The following RUNDC3B variants were observed in gnomAD, a reference collection of about 807,000 sequenced individuals.
RUNDC3B encodes the protein RUN domain containing 3B, also known as RUN domain-containing protein 3B.
In RUNDC3B, 33 loss-of-function variants were observed where a neutral mutation model predicts 58.4. The ratio of observed to expected loss-of-function variants is 0.56; its 90% CI spans 0.43 to 0.75. RUNDC3B has a LOEUF of 0.75. Among genes scored for constraint, RUNDC3B ranks in the 30% least tolerant of loss-of-function variants. The pLI is 0.00. For synonymous variants in RUNDC3B, 193 were observed against 195.2 expected, an observed-to-expected ratio of 0.99 and a Z score of 0.10; for missense variants, 501 against 535.7, an observed-to-expected ratio of 0.94 and a Z score of 0.64.
At chr7:87,710,446 C>T (rs931316152) in intron 3 of RUNDC3B, 124 bp from the exon 4 acceptor site, 3 of 613,964 alleles carry the variant, frequency 4.9e-6, no homozygotes, top group Non-Finnish European at 8.5e-6. Flanking sequence ...AAACATTTTT[C>T]TTAGTCGTTA....
intron 6 of RUNDC3B, among the ~76,000 whole-genome samples, chr7:87,752,747 C>G (rs1204151042): frequency 1.3e-5 from 2 of 152,036 alleles, no homozygotes; most frequent in Admixed American, 6.6e-5. Flanking sequence ...TTTATTGCGT[C>G]TATTTGATTC....
chr7:87,753,084 C>G (rs1478727369), intron 6 of RUNDC3B, among the ~76,000 whole-genome samples: 1 of 152,160 alleles, frequency 6.6e-6, no homozygotes, highest in Non-Finnish European at 1.5e-5. Context: ...TGTCTGTTCT[C>G]ATTGGTTTGA....
At position 87,703,914 on chromosome 7, in the gene RUNDC3B, G is replaced by GTTTTTTTTTTTTTTTTTTTT. The variant is rs35797972; in HGVS notation, c.372+3367_372+3386dup. 1.3e-3 allele frequency among the ~76,000 whole-genome samples: 57 copies of GTTTTTTTTTTTTTTTTTTTT among 42,974 alleles called. 1 individual carries two copies. The highest frequency in any genetic ancestry group is 2.5e-3 in the East Asian group (3 of 1,206). The allele number at this position is 42,974 out of a possible 152,430, so 28.2% of individuals were successfully genotyped here. Reference sequence around the variant, plus strand: ...TTTTTTTTTTTTTTTTTTTTTTTTGGTTTTTTTTTTTTTTTTTTTTTTTTT... The same window carrying GTTTTTTTTTTTTTTTTTTTT: ...TTTTTTTTTTTTTTTTTTTTTTTTGGTTTTTTTTTTTTTTTTTTTTTTTTTTTTTTTTTTTTTTTTTTTTT... On this transcript the variant is annotated intron_variant, in intron 3 of 10. Coordinates refer to ENST00000394654, the MANE Select transcript of RUNDC3B (RefSeq NM_001134405.2).
intron 10 of RUNDC3B, among the ~76,000 whole-genome samples, 176 bp downstream of exon 10, chr7:87,816,438 G>T (rs10235854): frequency 0.048 from 7,345 of 151,996 alleles, 263 homozygotes; most frequent in East Asian, 0.092. Flanking sequence ...GTGTGGGGGG[G>T]GCTAACCTTC....
At chr7:87,662,514 T>G (rs1490100613) in intron 2 of RUNDC3B, among the ~76,000 whole-genome samples, 1 of 152,138 alleles carries the variant, frequency 6.6e-6, no homozygotes, top group East Asian at 1.9e-4. Context: ...GAGACTGTCC[T>G]TTCCCCAATA....
At chr7:87,784,139 T>A (rs144562771) in intron 8 of RUNDC3B, among the ~76,000 whole-genome samples, 20 of 152,328 alleles carry the variant, frequency 1.3e-4, no homozygotes, top group African/African-American at 4.6e-4. Flanking sequence ...TTAGATCATT[T>A]CACTGGCTTC....
intron 9 of RUNDC3B, among the ~76,000 whole-genome samples, chr7:87,813,381 T>G (rs1836830333): frequency 6.6e-6 from 1 of 152,224 alleles, no homozygotes; most frequent in African/African-American, 2.4e-5. Context: ...TGTTGGAGAT[T>G]ATTGTAAATG....
At chr7:87,815,857 C>T (rs566531673) in intron 9 of RUNDC3B, among the ~76,000 whole-genome samples, 31 of 152,050 alleles carry the variant, frequency 2.0e-4, no homozygotes, top group African/African-American at 7.5e-4. Context: ...CCAGAAGTTC[C>T]CATTTCTTAA....
At chr7:87,774,276 T>G (rs995452694) in intron 7 of RUNDC3B, among the ~76,000 whole-genome samples, 2 of 152,080 alleles carry the variant, frequency 1.3e-5, no homozygotes, top group Non-Finnish European at 2.9e-5. Context: ...GTATAGTACT[T>G]GTAGAAATAC....
intron 2 of RUNDC3B, among the ~76,000 whole-genome samples, chr7:87,671,956 T>A (rs1164846183): frequency 6.6e-6 from 1 of 151,652 alleles, no homozygotes; most frequent in African/African-American, 2.4e-5. Flanking sequence ...TCCTGCCCAG[T>A]GAGGAGAAGT....
chr7:87,822,505 A>C (rs1584291426), intron 10 of RUNDC3B, among the ~76,000 whole-genome samples: 1 of 152,234 alleles, frequency 6.6e-6, no homozygotes, highest in East Asian at 1.9e-4. Context: ...CTAGAACTAG[A>C]AATACCATTT....
rs76859635 is a variant in RUNDC3B, at chr7:87,707,912, G to T, written c.373-2658G>T. 0.014 allele frequency among the ~76,000 whole-genome samples: 2,087 copies of T among 152,006 alleles called. 203 individuals carry two copies. The East Asian group carries it at 0.24, about 18-fold the overall frequency. ...ATGTTTATATGAGTGAAACTGAGGA[G>T]AACTTCTAAATAACCCATGGATGAA... On this transcript the variant is annotated intron_variant, in intron 3 of 10. Coordinates refer to ENST00000394654, the MANE Select transcript of RUNDC3B (RefSeq NM_001134405.2).
chr7:87,687,675 G>C (rs1585104270), intron 2 of RUNDC3B, among the ~76,000 whole-genome samples: 1 of 152,002 alleles, frequency 6.6e-6, no homozygotes, highest in South Asian at 2.1e-4. Flanking sequence ...ATTTTTTTCT[G>C]ATAGGACTTG....
chr7:87,761,180 A>G (rs534748833), intron 6 of RUNDC3B, among the ~76,000 whole-genome samples: 20 of 152,018 alleles, frequency 1.3e-4, no homozygotes, highest in Non-Finnish European at 2.4e-4. Context: ...TTAAATAAAC[A>G]TTTCTCCAAG....
At position 87,700,477 on chromosome 7, in the gene RUNDC3B, G is replaced by A; in HGVS notation, c.295G>A (p.Val99Met). The change falls in exon 3 of 11, where the codon GTG becomes ATG. Residue 99 changes from valine (V) to methionine (M), a missense_variant. Physicochemically the swap from Val to Met is conservative, Grantham distance 21. Transcript: ENST00000394654. Reference sequence around the variant, plus strand: ...TCGTAGCTTCTGGGACTATATCAGAGTGGCTTGCCGGAAAGTTTCACAGAA... The same window carrying A: ...TCGTAGCTTCTGGGACTATATCAGAATGGCTTGCCGGAAAGTTTCACAGAA... The part of the protein sequence containing the change: ...SPRSFWDYIR[V>M]ACRKVSQNCI... The A allele has an allele frequency of 6.2e-7, 1 of 1,613,082 alleles. No individual in the cohort carries two copies. The highest frequency in any genetic ancestry group is 8.5e-7 in the Non-Finnish European group (1 of 1,179,648).
At chr7:87,738,286 A>G (rs1433780157) in intron 4 of RUNDC3B, among the ~76,000 whole-genome samples, 4 of 152,018 alleles carry the variant, frequency 2.6e-5, no homozygotes, top group Admixed American at 2.6e-4. Flanking sequence ...TCAAACATAC[A>G]TATTTGTCTA....
intron 6 of RUNDC3B, among the ~76,000 whole-genome samples, chr7:87,756,161 T>C (rs1449316344): frequency 2.0e-5 from 3 of 152,096 alleles, no homozygotes; most frequent in Non-Finnish European, 4.4e-5. Flanking sequence ...TTTGTAAGTT[T>C]TACCAAATTA....
At chr7:87,659,220 G>A (rs762082602) in intron 2 of RUNDC3B, 10 of 429,154 alleles carry the variant, frequency 2.3e-5, no homozygotes, top group African/African-American at 4.1e-5. Context: ...CAGTAAACAA[G>A]AATATGGGTA....
intron 8 of RUNDC3B, among the ~76,000 whole-genome samples, chr7:87,790,466 A>C (rs1482118288): frequency 6.6e-6 from 1 of 152,188 alleles, no homozygotes; most frequent in Non-Finnish European, 1.5e-5. Context: ...CAGACCATCC[A>C]GGAAAACATG....
Sources: gnomAD v4.1 joint callset for allele counts (sites outside exome capture counted in the v4.1 genomes callset) on GRCh38, gnomAD v4.1.1 for gene constraint, MANE v1.5 for transcripts, NCBI Gene and HGNC (gene_info 2026-07-23, HGNC 2026-07-21) for gene names.